Variants in OR51B5 observed in about 807,000 individuals in gnomAD.
OR51B5 encodes the protein olfactory receptor 51B5.
For synonymous variants in OR51B5, 186 were observed against 144.8 expected, an observed-to-expected ratio of 1.28 and a Z score of -2.04; for missense variants, 456 against 374.6, an observed-to-expected ratio of 1.22 and a Z score of -1.79.
At chr11:5,423,903 TTTC>T (rs909549715) in intron 1 of OR51B5, among the ~76,000 whole-genome samples, 15 of 152,306 alleles carry the variant, frequency 9.8e-5, no homozygotes, top group Admixed American at 9.8e-4. Context: ...ACTCATTTTT[TTTC>T]CGGACCAGAG....
intron 1 of OR51B5, chr11:5,403,515 C>A (rs1427090738): frequency 2.1e-6 from 1 of 471,522 alleles, no homozygotes; most frequent in East Asian, 7.0e-5. Context: ...TGCCATTGTC[C>A]GAATGCTATT....
chr11:5,498,310 G>A (rs916355484), intron 1 of OR51B5, among the ~76,000 whole-genome samples: 5 of 152,158 alleles, frequency 3.3e-5, no homozygotes, highest in Non-Finnish European at 5.9e-5. Context: ...TGCTAACCAT[G>A]ACAGGTGATA....
chr11:5,484,561 A>G (rs1320611990), intron 1 of OR51B5, among the ~76,000 whole-genome samples: 2 of 152,202 alleles, frequency 1.3e-5, no homozygotes, highest in Non-Finnish European at 1.5e-5. Context: ...TAGTGTCATC[A>G]CTAAAAAATA....
intron 1 of OR51B5, among the ~76,000 whole-genome samples, chr11:5,432,039 CCT>C (rs959381670): frequency 6.6e-6 from 1 of 152,072 alleles, no homozygotes; most frequent in African/African-American, 2.4e-5. Context: ...ATGTCAAATT[CCT>C]CTCTTTTAGC....
intron 1 of OR51B5, among the ~76,000 whole-genome samples, chr11:5,366,615 T>C (rs773436656): frequency 6.5e-5 from 8 of 123,356 alleles, no homozygotes; most frequent in Non-Finnish European, 9.9e-5. Context: ...GAGAAAGAAA[T>C]AGAGAAAGAG....
At chr11:5,500,857 T>C (rs1020759260) in intron 1 of OR51B5, among the ~76,000 whole-genome samples, 1 of 148,296 alleles carries the variant, frequency 6.7e-6, no homozygotes, top group African/African-American at 2.4e-5. Flanking sequence ...TGTCATAGCA[T>C]GCATATCCCA....
At chr11:5,399,281 C>T (rs1467219435) in intron 1 of OR51B5, among the ~76,000 whole-genome samples, 2 of 152,072 alleles carry the variant, frequency 1.3e-5, no homozygotes, top group African/African-American at 2.4e-5. Context: ...GAGCCAATAA[C>T]AAGGAAAGAC....
In OR51B5 at chr11:5,467,744, G is replaced by A. The variant is rs542720106; in HGVS notation, n.84+37825C>T. On this transcript the variant is annotated intron_variant and non_coding_transcript_variant, in intron 1 of 4. Transcript: ENST00000415970. ...GTCTGGGTTGCTCACTGCAGGACAC[G>A]AGCCCATATTTCAGCCAACTATGCT... Among the ~76,000 whole-genome samples the A allele has an allele frequency of 9.2e-5, 14 of 152,306 alleles. 1 individual carries two copies. In the South Asian group the frequency reaches 1.5e-3, roughly 16 times the overall value.
chr11:5,431,756 C>A (rs1850538166), intron 1 of OR51B5, among the ~76,000 whole-genome samples: 1 of 152,222 alleles, frequency 6.6e-6, no homozygotes, highest in Non-Finnish European at 1.5e-5. Context: ...CTACGTCATT[C>A]TGAATAAAAG....
intron 1 of OR51B5, among the ~76,000 whole-genome samples, chr11:5,504,089 G>A (rs1043090721): frequency 1.3e-5 from 2 of 152,002 alleles, no homozygotes; most frequent in African/African-American, 2.4e-5. Flanking sequence ...GCCTCAATAA[G>A]TGTTAGCTAA....
intron 1 of OR51B5, among the ~76,000 whole-genome samples, chr11:5,442,434 C>A (rs1850704012): frequency 6.6e-6 from 1 of 152,136 alleles, no homozygotes; most frequent in South Asian, 2.1e-4. Flanking sequence ...CTTGTCACTC[C>A]TTCAGAGCCT....
intron 1 of OR51B5, among the ~76,000 whole-genome samples, chr11:5,353,628 A>G (rs982453170): frequency 9.2e-5 from 14 of 152,350 alleles, no homozygotes; most frequent in Middle Eastern, 3.4e-3. Context: ...GCCAGTATCC[A>G]TGACTCAAAT....
intron 1 of OR51B5, among the ~76,000 whole-genome samples, chr11:5,462,544 G>A (rs1851072931): frequency 6.6e-6 from 1 of 152,190 alleles, no homozygotes; most frequent in South Asian, 2.1e-4. Flanking sequence ...TGTGGTTATA[G>A]TTCAGTTGGA....
chr11:5,394,015 A>G (rs1471455360), intron 1 of OR51B5, among the ~76,000 whole-genome samples: 2 of 152,154 alleles, frequency 1.3e-5, no homozygotes, highest in African/African-American at 4.8e-5. Flanking sequence ...TTTTCCATTT[A>G]GTATCAGGAA....
rs112259459 is a variant in OR51B5 at position 5,390,243 on chromosome 11, C to A, written n.85-43333G>T. 10,526 of 1,614,020 alleles carry A rather than the reference C, an allele frequency of 6.5e-3. 51 individuals are homozygous for A. The highest frequency in any genetic ancestry group is 7.9e-3 in the Non-Finnish European group (9,335 of 1,179,888). ...CACCGTTTTGGGAAGCATGCCCCAC[C>A]TGCTATTCATCTTCTTATGGCCAAT... On this transcript the variant is annotated intron_variant and non_coding_transcript_variant, in intron 1 of 4. Transcript: ENST00000415970.
rs971950788 is a variant in OR51B5 at position 5,359,110 on chromosome 11, TC to T, written n.85-12201del. Among the ~76,000 whole-genome samples the T allele has an allele frequency of 9.6e-4, 146 of 152,136 alleles. 1 individual carries two copies. The highest frequency in any genetic ancestry group is 3.4e-3 in the African/African-American group (143 of 41,502). ...AGACAGGGATGCCCTCTCTCACTAC[TC>T]CTATTCAACATAGTGTTGGAATTTC... On this transcript the variant is annotated intron_variant and non_coding_transcript_variant, in intron 1 of 4. Transcript: ENST00000415970.
At chr11:5,453,303 G>A (rs943465660) in intron 1 of OR51B5, 14 of 434,204 alleles carry the variant, frequency 3.2e-5, no homozygotes, top group Admixed American at 7.9e-5. Flanking sequence ...CATAAAATAT[G>A]AAGAAAAGGA....
At chr11:5,440,242 G>A (rs889603760) in intron 1 of OR51B5, among the ~76,000 whole-genome samples, 11 of 152,102 alleles carry the variant, frequency 7.2e-5, no homozygotes, top group Admixed American at 6.5e-4. Context: ...TTGCCCTGCT[G>A]AACTTCATTA....
intron 1 of OR51B5, among the ~76,000 whole-genome samples, chr11:5,410,529 T>A (rs1388815750): frequency 6.6e-6 from 1 of 152,192 alleles, no homozygotes; most frequent in East Asian, 1.9e-4. Flanking sequence ...CCATAGATTA[T>A]AATGAAAGTG....
Sources: gnomAD v4.1 joint callset for allele counts (sites outside exome capture counted in the v4.1 genomes callset) on GRCh38, gnomAD v4.1.1 for gene constraint, MANE v1.5 for transcripts, NCBI Gene and HGNC (gene_info 2026-07-23, HGNC 2026-07-21) for gene names.